SPMIP2: variants seen among roughly 807,000 people sequenced by gnomAD.
SPMIP2 encodes sperm microtubule inner protein 2.
At chr4:159,016,224 A>G in the SPMIP2 span, among the ~76,000 whole-genome samples, 5 of 152,258 alleles carry the variant, frequency 3.3e-5, no homozygotes, top group African/African-American at 1.2e-4. Context: ...TTCCAAAATC[A>G]CTGCCAATCT....
the SPMIP2 span, among the ~76,000 whole-genome samples, chr4:158,911,335 G>A: frequency 1.0e-3 from 121 of 116,858 alleles, no homozygotes; most frequent in Middle Eastern, 5.1e-3. Flanking sequence ...GCAACAGAGC[G>A]AGACTCCGTC....
At chr4:158,929,545 T>C in the SPMIP2 span, among the ~76,000 whole-genome samples, 2 of 152,244 alleles carry the variant, frequency 1.3e-5, no homozygotes, top group African/African-American at 4.8e-5. Flanking sequence ...TTGTTGTATC[T>C]TTTAGTATGC....
chr4:159,082,713 A>T, the SPMIP2 span, among the ~76,000 whole-genome samples: 1 of 152,226 alleles, frequency 6.6e-6, no homozygotes, highest in Non-Finnish European at 1.5e-5. Flanking sequence ...CTACATTGCA[A>T]AAACCATTCT....
the SPMIP2 span, among the ~76,000 whole-genome samples, chr4:159,020,570 C>T: frequency 6.6e-6 from 1 of 152,158 alleles, no homozygotes; most frequent in African/African-American, 2.4e-5. Context: ...GTAAGGGAGT[C>T]TTTTCCTTTC....
the SPMIP2 span, among the ~76,000 whole-genome samples, chr4:158,935,102 A>G: frequency 3.9e-5 from 6 of 152,186 alleles, no homozygotes; most frequent in African/African-American, 1.4e-4. Flanking sequence ...CCTATACTGC[A>G]ATTCCATCTT....
the SPMIP2 span, among the ~76,000 whole-genome samples, chr4:158,964,512 C>T: frequency 0.53 from 80,841 of 151,978 alleles, 22,689 homozygotes; most frequent in South Asian, 0.64. Flanking sequence ...TGTTACGCAA[C>T]AGAAAACCAA....
the SPMIP2 span, among the ~76,000 whole-genome samples, chr4:158,953,370 T>C: frequency 6.6e-6 from 1 of 152,180 alleles, no homozygotes; most frequent in African/African-American, 2.4e-5. Context: ...AGCTTCCACG[T>C]GGTGTTGAGC....
chr4:159,079,338 C>T, the SPMIP2 span, among the ~76,000 whole-genome samples: 1 of 152,150 alleles, frequency 6.6e-6, no homozygotes, highest in African/African-American at 2.4e-5. Context: ...TTCCTTGCCC[C>T]TTCCACCATG....
At chr4:158,952,884 T>C in the SPMIP2 span, among the ~76,000 whole-genome samples, 7 of 152,196 alleles carry the variant, frequency 4.6e-5, no homozygotes, top group African/African-American at 1.7e-4. Flanking sequence ...TGTGGATCTT[T>C]GAACTTGAGA....
the SPMIP2 span, among the ~76,000 whole-genome samples, chr4:159,037,785 T>C: frequency 0.32 from 38,261 of 118,262 alleles, 5,565 homozygotes; most frequent in East Asian, 0.59. Flanking sequence ...AAACAATATA[T>C]ACACACACAC....
the SPMIP2 span, among the ~76,000 whole-genome samples, chr4:158,991,240 A>G: frequency 6.6e-6 from 1 of 152,240 alleles, no homozygotes; most frequent in Admixed American, 6.5e-5. Context: ...CTGGGGACAG[A>G]AAGAAGGAAT....
At chr4:159,000,774 C>T in the SPMIP2 span, among the ~76,000 whole-genome samples, 93 of 5,778 alleles carry the variant, frequency 0.016, 1 homozygote, top group Non-Finnish European at 0.053. Context: ...GTGTGAGCCA[C>T]CGGTGCCTGG....
the SPMIP2 span, among the ~76,000 whole-genome samples, chr4:158,955,067 T>C: frequency 1.5e-4 from 23 of 152,240 alleles, no homozygotes; most frequent in African/African-American, 5.5e-4. Context: ...CTAGAGAAAC[T>C]TGAGATACTT....
At chr4:159,020,489 A>T in the SPMIP2 span, among the ~76,000 whole-genome samples, 1 of 152,138 alleles carries the variant, frequency 6.6e-6, no homozygotes, top group Admixed American at 6.5e-5. Context: ...TCCAGTGGAG[A>T]TGTGACAAAG....
chr4:158,977,625 T>TTTTTTTTTTTTC, the SPMIP2 span, among the ~76,000 whole-genome samples: 2 of 104,338 alleles, frequency 1.9e-5, no homozygotes, highest in African/African-American at 7.3e-5. Flanking sequence ...TTTTTTTTTT[T>TTTTTTTTTTTTC]TCTCTTTGAG....
chr4:159,027,386 A>AGGACATAT, the SPMIP2 span, among the ~76,000 whole-genome samples: 1 of 152,196 alleles, frequency 6.6e-6, no homozygotes, highest in Non-Finnish European at 1.5e-5. Flanking sequence ...AATCATGGTA[A>AGGACATAT]GGACATATGT....
At chr4:158,898,561 G>T in the SPMIP2 span, among the ~76,000 whole-genome samples, 1 of 152,140 alleles carries the variant, frequency 6.6e-6, no homozygotes, top group Non-Finnish European at 1.5e-5. Context: ...CACATCTCTT[G>T]TAAGTTATAT....
At chr4:158,934,975 A>T in the SPMIP2 span, among the ~76,000 whole-genome samples, 1 of 152,298 alleles carries the variant, frequency 6.6e-6, no homozygotes, top group South Asian at 2.1e-4. Context: ...TATTCTTTCT[A>T]ACACATGGAT....
chr4:159,010,175 C>A, the SPMIP2 span, among the ~76,000 whole-genome samples: 6 of 152,156 alleles, frequency 3.9e-5, no homozygotes, highest in South Asian at 1.0e-3. Context: ...ATAAATACAG[C>A]CCTAAATTCA....
Sources: gnomAD v4.1 joint callset for allele counts (sites outside exome capture counted in the v4.1 genomes callset) on GRCh38, gnomAD v4.1.1 for gene constraint, MANE v1.5 for transcripts, NCBI Gene and HGNC (gene_info 2026-07-23, HGNC 2026-07-21) for gene names.